SPRED2: variants seen among roughly 807,000 people sequenced by gnomAD.
SPRED2 encodes the protein sprouty-related, EVH1 domain-containing protein 2.
SPRED2 carries 47 observed loss-of-function variants against 43.0 expected under a neutral mutation model. The ratio of observed to expected loss-of-function variants is 1.09; its 90% CI spans 0.87 to 1.40. The LOEUF is 1.40. Ranked by LOEUF, SPRED2 falls within the 40% of genes most tolerant of loss-of-function variation. The probability of loss-of-function intolerance (pLI) is 0.00; values close to 1 mark genes in which losing one functional copy is unlikely to be tolerated. For synonymous variants in SPRED2, 225 were observed against 225.7 expected (o/e 1.00, Z 0.03); for missense variants, 561 against 586.4 (o/e 0.96, Z 0.45).
intron 2 of SPRED2, among the ~76,000 whole-genome samples, chr2:65,342,318 T>C (rs951584997): frequency 2.7e-5 from 4 of 146,264 alleles, no homozygotes; most frequent in Admixed American, 2.1e-4. Context: ...ATATTATGTA[T>C]GTATATTTTG....
At chr2:65,340,478 A>G (rs1674145151) in intron 2 of SPRED2, among the ~76,000 whole-genome samples, 1 of 152,246 alleles carries the variant, frequency 6.6e-6, no homozygotes, top group Admixed American at 6.5e-5. Flanking sequence ...CAATGACTGG[A>G]ATGATCAAAC....
At chr2:65,392,393 C>T (rs114268256) in intron 1 of SPRED2, among the ~76,000 whole-genome samples, 3,967 of 152,058 alleles carry the variant, frequency 0.026, 81 homozygotes, top group Non-Finnish European at 0.041. Context: ...CCAGGCTGGT[C>T]TCGAACTCTT....
intron 1 of SPRED2, among the ~76,000 whole-genome samples, chr2:65,386,022 C>T (rs768044573): frequency 6.6e-6 from 1 of 152,142 alleles, no homozygotes; most frequent in Non-Finnish European, 1.5e-5. Flanking sequence ...CGGTGGCTCA[C>T]GCCTGTAATC....
intron 1 of SPRED2, among the ~76,000 whole-genome samples, chr2:65,426,142 GA>G (rs1174764012): frequency 2.0e-5 from 3 of 152,176 alleles, no homozygotes; most frequent in African/African-American, 7.2e-5. Flanking sequence ...TTGTGGTCAA[GA>G]TTTTTTACTT....
intron 2 of SPRED2, among the ~76,000 whole-genome samples, chr2:65,336,459 T>C (rs1366705081): frequency 1.3e-5 from 2 of 152,140 alleles, no homozygotes; most frequent in Non-Finnish European, 2.9e-5. Context: ...GTATATCAAA[T>C]AGTAGTCCCA....
At chr2:65,372,267 A>C (rs541319847) in intron 1 of SPRED2, among the ~76,000 whole-genome samples, 1 of 152,236 alleles carries the variant, frequency 6.6e-6, no homozygotes, top group African/African-American at 2.4e-5. Context: ...TGGAGGGAAA[A>C]TCAGGGCTGG....
At chr2:65,366,022 A>G (rs1441431917) in intron 1 of SPRED2, among the ~76,000 whole-genome samples, 1 of 141,256 alleles carries the variant, frequency 7.1e-6, no homozygotes, top group Non-Finnish European at 1.5e-5. Context: ...GCAAATTGTG[A>G]TTTATAAAAA....
Position 65,393,337 on chromosome 2 carries a change from T to TC in SPRED2, c.26+38624_26+38625insG, listed in dbSNP as rs528012419. 3.9e-3 allele frequency among the ~76,000 whole-genome samples: 597 copies of TC among 151,344 alleles called. 5 individuals are homozygous for TC. The highest frequency in any genetic ancestry group is 0.013 in the African/African-American group (549 of 41,106). On this transcript the variant is annotated intron_variant, in intron 1 of 5. Transcript: ENST00000356388. ...GATTAATCATAAGGCTTTTTTTTTT[T>TC]TTTCTTTTTTTTGAGATGGAGTCTG... is the stretch of plus-strand genomic sequence containing the variant.
At position 65,427,589 on chromosome 2, in the gene SPRED2, TC is replaced by T. The variant is rs1414196279; in HGVS notation, c.26+4372del. Among the ~76,000 whole-genome samples the T allele has an allele frequency of 3.9e-5, 6 of 152,244 alleles. No individual in the cohort carries two copies. The South Asian group carries it at 1.2e-3, about 31-fold the overall frequency. ...ATAACCAACTCTGAATTTGCACTAC[TC>T]CCATTATCTTTGAGGTGTATCACAG... On this transcript the variant is annotated intron_variant, in intron 1 of 5. Transcript: ENST00000356388.
intron 1 of SPRED2, among the ~76,000 whole-genome samples, chr2:65,412,343 G>A (rs768330987): frequency 1.3e-4 from 20 of 152,106 alleles, no homozygotes; most frequent in Non-Finnish European, 2.4e-4. Context: ...CTGAGTAGGT[G>A]GCCTAGGACC....
At chr2:65,394,628 C>G (rs1367781185) in intron 1 of SPRED2, among the ~76,000 whole-genome samples, 1 of 152,148 alleles carries the variant, frequency 6.6e-6, no homozygotes, top group African/African-American at 2.4e-5. Flanking sequence ...CCCATCAGGA[C>G]AGGGCTTTGT....
chr2:65,348,240 G>A (rs896468283), intron 1 of SPRED2, among the ~76,000 whole-genome samples: 2 of 152,038 alleles, frequency 1.3e-5, no homozygotes, highest in African/African-American at 4.8e-5. Flanking sequence ...TTTCAGAGAG[G>A]ACTTCCCTGC....
At chr2:65,377,768 T>C (rs1675278916) in intron 1 of SPRED2, 3 of 466,540 alleles carry the variant, frequency 6.4e-6, no homozygotes, top group Admixed American at 4.7e-5. Flanking sequence ...CCTAGGTAAC[T>C]GTCAAAGCGG....
rs112455706 is a variant in SPRED2 at position 65,344,514 on chromosome 2, G to A, written c.204+205C>T. On this transcript the variant is annotated intron_variant, in intron 2 of 5. Transcript: ENST00000356388. ...TACTTCTAAGCATCTCGGATAAAGC[G>A]TGTGGTCAAAAGAGACTTTGCTGGA... The A allele has an allele frequency of 3.9e-3, 2,807 of 715,174 alleles. 15 individuals carry two copies. Among genetic ancestry groups the A allele is most frequent in the Non-Finnish European group, 5.1e-3 (1,963 of 388,032 alleles). 44.3% of individuals were successfully genotyped at this position (715,174 alleles called of 1,614,324 possible).
At chr2:65,307,886 C>G (rs111804643), downstream of SPRED2, among the ~76,000 whole-genome samples, 1 of 152,150 alleles carries the variant, frequency 6.6e-6, no homozygotes, top group Non-Finnish European at 1.5e-5. Context: ...GAAAGACCAA[C>G]GGGCTTCCAG....
chr2:65,390,949 G>A (rs1422649000), intron 1 of SPRED2, among the ~76,000 whole-genome samples: 1 of 151,920 alleles, frequency 6.6e-6, no homozygotes, highest in East Asian at 1.9e-4. Flanking sequence ...TTAGCTGGGT[G>A]TGGGGGTGCA....
downstream of SPRED2, among the ~76,000 whole-genome samples, chr2:65,310,177 A>G (rs1673030719): frequency 6.6e-6 from 1 of 151,604 alleles, no homozygotes; most frequent in Non-Finnish European, 1.5e-5. Context: ...TGCGAAAATC[A>G]CCCCCTTTAG....
At chr2:65,309,010 G>T (rs1672996620), downstream of SPRED2, among the ~76,000 whole-genome samples, 1 of 152,058 alleles carries the variant, frequency 6.6e-6, no homozygotes, top group Non-Finnish European at 1.5e-5. Flanking sequence ...TACAAAATTA[G>T]CCGGGTGTGG....
rs1031802991 is a variant in SPRED2 at position 65,311,936 on chromosome 2, G to C, written c.*1565C>G. 16 of 985,210 alleles carry C rather than the reference G, an allele frequency of 1.6e-5. No individual in the cohort carries two copies. The African/African-American group carries it at 2.8e-4, about 17-fold the overall frequency. The allele number at this position is 985,210 out of a possible 1,614,324, so 61.0% of individuals were successfully genotyped here. On this transcript the variant is annotated 3_prime_UTR_variant, in exon 6 of 6. Coordinates refer to ENST00000356388, the MANE Select transcript of SPRED2 (RefSeq NM_181784.3). ...TGCAATAAAGAAGGAGTGGGGAAAG[G>C]GAGTGGGGAGCAGGCCATGTCTTCT...
Sources: gnomAD v4.1 joint callset for allele counts (sites outside exome capture counted in the v4.1 genomes callset) on GRCh38, gnomAD v4.1.1 for gene constraint, MANE v1.5 for transcripts, NCBI Gene and HGNC (gene_info 2026-07-23, HGNC 2026-07-21) for gene names.